ADGRV1: variants seen among roughly 807,000 people sequenced by gnomAD.
ADGRV1 encodes adhesion G protein-coupled receptor V1.
ADGRV1 carries 359 observed loss-of-function variants against 596.2 expected under a neutral mutation model. That is an observed-to-expected ratio of 0.60 (90% CI 0.55 to 0.66). The LOEUF (loss-of-function observed/expected upper bound fraction) is 0.66, where lower values mean the gene tolerates loss of function less well. ADGRV1 is among the 30% of genes least tolerant of loss of function. The pLI is 0.00. For missense variants in ADGRV1, 7,274 were observed against 7,575.6 expected, an observed-to-expected ratio of 0.96 and a Z score of 1.48; for synonymous variants, 2,681 against 2,679.2, an observed-to-expected ratio of 1.00 and a Z score of -0.02.
chr5:90,796,766 C>G (rs924616265), intron 70 of ADGRV1, among the ~76,000 whole-genome samples: 5 of 152,162 alleles, frequency 3.3e-5, no homozygotes, highest in Admixed American at 2.0e-4. Flanking sequence ...AGACAAACAG[C>G]CGATCTCTCA....
At chr5:90,581,301 G>T (rs912163555) in intron 1 of ADGRV1, among the ~76,000 whole-genome samples, 11 of 152,208 alleles carry the variant, frequency 7.2e-5, no homozygotes, top group Non-Finnish European at 1.6e-4. Context: ...TCCGTTGCTG[G>T]TGAGGAGCTG....
intron 85 of ADGRV1, among the ~76,000 whole-genome samples, chr5:91,040,034 T>G (rs1236110431): frequency 6.6e-6 from 1 of 152,002 alleles, no homozygotes; most frequent in Non-Finnish European, 1.5e-5. Context: ...AATTTAAAAA[T>G]CAATAAATAT....
intron 1 of ADGRV1, among the ~76,000 whole-genome samples, chr5:90,562,471 AC>A (rs1754960349): frequency 6.6e-6 from 1 of 152,184 alleles, no homozygotes; most frequent in Non-Finnish European, 1.5e-5. Context: ...GAGCTGAGGC[AC>A]AAGCGGCTGT....
chr5:90,625,277 G>A (rs1234270728), intron 6 of ADGRV1, 34 bp downstream of exon 6: 24 of 1,353,474 alleles, frequency 1.8e-5, no homozygotes, highest in Non-Finnish European at 2.1e-5. Context: ...ATGGGACAAG[G>A]ATTCTGTGTT....
At chr5:90,867,220 A>C (rs1170378880) in intron 83 of ADGRV1, among the ~76,000 whole-genome samples, 2 of 152,186 alleles carry the variant, frequency 1.3e-5, no homozygotes, top group Non-Finnish European at 2.9e-5. Context: ...ACATGATGAA[A>C]AGATAGAACT....
chr5:90,965,434 C>T lies in ADGRV1; in HGVS notation c.17876C>T (p.Ala5959Val). Reference protein sequence around the residue: ...LGTQILFLASAYASPQLAEES... With the variant: ...LGTQILFLASVYASPQLAEES... The stretch of plus-strand genomic sequence containing the variant: ...TTACAGATTCTGTTTCTGGCGTCTG[C>T]ATACGCAAGTCCCCAACTCGCTGAG... Residue 5959 changes from alanine (A) to valine (V), a missense_variant, in exon 84 of 90, where the codon GCA becomes GTA. This residue lies in a region of ADGRV1 where 1,874 missense variants were observed against 1,970.2 expected (regional missense o/e 0.95). Coordinates refer to ENST00000405460, the MANE Select transcript of ADGRV1 (RefSeq NM_032119.4). The T allele has an allele frequency of 1.9e-6, 3 of 1,611,038 alleles. No homozygotes were observed. The highest frequency in any genetic ancestry group is 2.5e-6 in the Non-Finnish European group (3 of 1,177,232).
chr5:91,106,200 C>T (rs574211497), intron 87 of ADGRV1, among the ~76,000 whole-genome samples: 4 of 152,082 alleles, frequency 2.6e-5, no homozygotes, highest in East Asian at 1.9e-4. Flanking sequence ...GGTTTCCTAG[C>T]GACCTTTATT....
rs368614527 is a variant in ADGRV1 at position 91,118,371 on chromosome 5, C to CA, written c.18432+16042dup. On this transcript the variant is annotated intron_variant, in intron 87 of 89. Coordinates refer to ENST00000405460, the MANE Select transcript of ADGRV1 (RefSeq NM_032119.4). ...TATTTAAACAGTTTAAAGTAATTGG[C>CA]AAAAAAAAAAACTTCCAAAAAAATT... is the stretch of plus-strand genomic sequence containing the variant. Among the ~76,000 whole-genome samples, 1,339 of 140,578 alleles carry CA rather than the reference C, an allele frequency of 9.5e-3. 22 individuals are homozygous for CA. The highest frequency in any genetic ancestry group is 0.03 in the African/African-American group (1,167 of 38,632). The allele number at this position is 140,578 out of a possible 152,430, so 92.2% of individuals were successfully genotyped here.
intron 82 of ADGRV1, among the ~76,000 whole-genome samples, chr5:90,858,385 C>G (rs1262238878): frequency 6.6e-6 from 1 of 152,202 alleles, no homozygotes; most frequent in East Asian, 1.9e-4. Flanking sequence ...CTTCCCATAA[C>G]TCTTTTGATA....
chr5:90,759,475 A>G lies in ADGRV1; in HGVS notation c.12007A>G (p.Ile4003Val), dbSNP rs781466060. Residue 4003 changes from isoleucine (I) to valine (V), a missense_variant, in exon 58 of 90, where the codon ATT (isoleucine) becomes GTT (valine). Around this residue, in one of 5 missense-constraint regions of ADGRV1, gnomAD observed 3,643 missense variants for 3,809.2 expected, o/e 0.96. Coordinates refer to ENST00000405460, the MANE Select transcript of ADGRV1 (RefSeq NM_032119.4). The stretch of plus-strand genomic sequence containing the variant: ...ATTTGAATTGACAGAGACGTTCAAT[A>G]TTTCCTTGATCAGTGTTGCTGGAGG... Reference protein sequence around the residue: ...AEFELTETFNISLISVAGGGR... With the variant: ...AEFELTETFNVSLISVAGGGR... 6.8e-6 allele frequency: 11 copies of G among 1,608,006 alleles called. No individual in the cohort carries two copies. The highest frequency in any genetic ancestry group is 1.7e-6 in the Non-Finnish European group (2 of 1,176,658).
rs370608314 is a variant in ADGRV1 at position 90,675,193 on chromosome 5, T to G, written c.5111-50T>G. The G allele has an allele frequency of 7.9e-5, 119 of 1,501,876 alleles. No homozygotes were observed. In the African/African-American group the frequency reaches 1.5e-3, roughly 19 times the overall value. The allele number at this position is 1,501,876 out of a possible 1,614,324, so 93.0% of individuals were successfully genotyped here. The stretch of plus-strand genomic sequence containing the variant: ...AAGATCGCTTTAATTGAATAAGAAA[T>G]TCTTGCACAGTTCATTGGGACAATG... On this transcript the variant is annotated intron_variant, in intron 23 of 89. Transcript: ENST00000405460.
At chr5:90,835,496 G>A (rs903918757) in intron 77 of ADGRV1, among the ~76,000 whole-genome samples, 4 of 152,202 alleles carry the variant, frequency 2.6e-5, no homozygotes, top group Non-Finnish European at 5.9e-5. Flanking sequence ...GATCAGACCT[G>A]AAGCTAGCAC....
At chr5:90,831,468 A>T (rs1252891909) in intron 77 of ADGRV1, among the ~76,000 whole-genome samples, 1 of 152,138 alleles carries the variant, frequency 6.6e-6, no homozygotes, top group African/African-American at 2.4e-5. Context: ...AATGGGATAC[A>T]TGAGATATTT....
At chr5:90,766,153 C>T (rs1420552615) in intron 59 of ADGRV1, among the ~76,000 whole-genome samples, 2 of 152,136 alleles carry the variant, frequency 1.3e-5, no homozygotes, top group Non-Finnish European at 2.9e-5. Context: ...TCATGATCCG[C>T]CCGCCTTGGC....
At chr5:91,035,861 T>TATATA in intron 85 of ADGRV1, among the ~76,000 whole-genome samples, 7 of 96,402 alleles carry the variant, frequency 7.3e-5, no homozygotes, top group Non-Finnish European at 1.1e-4. Context: ...TATATATATA[T>TATATA]TATATATATA....
chr5:90,974,254 T>C (rs555086763), intron 84 of ADGRV1, among the ~76,000 whole-genome samples: 3 of 150,636 alleles, frequency 2.0e-5, no homozygotes, highest in African/African-American at 7.5e-5. Context: ...GAATCAATAT[T>C]GTAAAAATGG....
At position 90,719,975 on chromosome 5, in the gene ADGRV1, C is replaced by T. The variant is rs6881412; in HGVS notation, c.9448-73C>T. 755,590 of 1,112,890 alleles carry T rather than the reference C, an allele frequency of 0.68. 260,512 individuals are homozygous for T. Among genetic ancestry groups the T allele is most frequent in the African/African-American group, 0.89 (57,782 of 64,748 alleles). 68.9% of individuals were successfully genotyped at this position (1,112,890 alleles called of 1,614,324 possible). A position where few individuals can be genotyped will look rare whatever the true frequency, so the allele number is the denominator to read the frequency against. On this transcript the variant is annotated intron_variant, in intron 43 of 89. Transcript: ENST00000405460. ...ATGCTATTTTGTTGTCAGAAATGTT[C>T]AGTAGATTTCGCTATATATGTGTTA...
At chr5:91,031,132 A>G in intron 85 of ADGRV1, 1 of 1,342,666 alleles carries the variant, frequency 7.4e-7, no homozygotes, top group East Asian at 2.3e-5. Flanking sequence ...AAAGAACAGA[A>G]ACATCTGTAA....
chr5:90,848,493 A>G, intron 78 of ADGRV1, 144 bp from the exon 79 acceptor site: 1 of 376,964 alleles, frequency 2.7e-6, no homozygotes, highest in Non-Finnish European at 4.5e-6. Context: ...TAATTTTGAT[A>G]CCAATTTCTC....
Sources: allele counts gnomAD v4.1 joint callset (sites outside exome capture counted in the v4.1 genomes callset), GRCh38; gene constraint gnomAD v4.1.1; regional missense constraint gnomAD v4.1.1; transcripts MANE v1.5; gene names NCBI Gene and HGNC (gene_info 2026-07-23, HGNC 2026-07-21).